The following ASTN2 variants were observed in gnomAD, a reference collection of about 807,000 sequenced individuals.
ASTN2 encodes the protein astrotactin-2.
A neutral mutation model predicts 139.8 loss-of-function variants in ASTN2; 54 were observed. That is an observed-to-expected ratio of 0.39 (90% CI 0.31 to 0.48). The LOEUF (loss-of-function observed/expected upper bound fraction) is 0.48. Among genes scored for constraint, ASTN2 ranks in the 20% least tolerant of loss-of-function variants. The pLI is 0.95. For missense variants in ASTN2, 1,565 were observed against 1,725.1 expected (o/e 0.91, Z 1.64); for synonymous variants, 756 against 719.5 (o/e 1.05, Z -0.81).
At chr9:116,785,333 C>T (rs1830342127) in intron 13 of ASTN2, among the ~76,000 whole-genome samples, 1 of 152,154 alleles carries the variant, frequency 6.6e-6, no homozygotes, top group South Asian at 2.1e-4. Flanking sequence ...CTGTCATCTA[C>T]ATGCTAAATA....
intron 6 of ASTN2, among the ~76,000 whole-genome samples, chr9:117,023,469 A>T (rs746755495): frequency 1.3e-5 from 2 of 152,118 alleles, no homozygotes; most frequent in Admixed American, 1.3e-4. Context: ...TGAGCCTTCT[A>T]TCCCAACTCT....
At chr9:116,606,599 A>G (rs899716318) in intron 19 of ASTN2, among the ~76,000 whole-genome samples, 2 of 152,180 alleles carry the variant, frequency 1.3e-5, no homozygotes, top group African/African-American at 4.8e-5. Context: ...GCCTCACCTG[A>G]CCAAATGTGT....
chr9:116,523,794 G>A (rs1285797145), intron 19 of ASTN2, among the ~76,000 whole-genome samples: 1 of 152,084 alleles, frequency 6.6e-6, no homozygotes, highest in East Asian at 1.9e-4. Flanking sequence ...GTCACAATTT[G>A]CTAAACCAAG....
At chr9:117,011,582 T>C (rs1179042445) in intron 6 of ASTN2, among the ~76,000 whole-genome samples, 1 of 152,226 alleles carries the variant, frequency 6.6e-6, no homozygotes, top group Admixed American at 6.5e-5. Context: ...AGTTTATCCT[T>C]AATGTCTTTA....
intron 19 of ASTN2, among the ~76,000 whole-genome samples, chr9:116,535,239 T>C (rs1339626318): frequency 2.0e-5 from 3 of 152,202 alleles, no homozygotes; most frequent in Non-Finnish European, 4.4e-5. Flanking sequence ...TCCCTTTATT[T>C]TGAGCCTATG....
chr9:117,243,016 T>C lies in ASTN2; in HGVS notation c.631-28274A>G, dbSNP rs547507427. ...ATCATCATCACCATAATTGTTGTTG[T>C]AATTTATTAAGAGTCTTCCATTTTT... On this transcript the variant is annotated intron_variant, in intron 2 of 22. Coordinates refer to ENST00000313400, the MANE Select transcript of ASTN2 (RefSeq NM_001365068.1). 1.4e-4 allele frequency among the ~76,000 whole-genome samples: 22 copies of C among 152,374 alleles called. 1 individual carries two copies. Among genetic ancestry groups the C allele is most frequent in the African/African-American group, 5.3e-4 (22 of 41,602 alleles).
At chr9:116,480,675 G>A (rs1475056) in intron 20 of ASTN2, among the ~76,000 whole-genome samples, 23,814 of 152,190 alleles carry the variant, frequency 0.16, 2,287 homozygotes, top group Middle Eastern at 0.24. Context: ...TGTCTCTAAA[G>A]AGGCAACATC....
chr9:116,458,335 C>T (rs969767554), intron 20 of ASTN2, among the ~76,000 whole-genome samples: 2 of 151,560 alleles, frequency 1.3e-5, no homozygotes, highest in Non-Finnish European at 2.9e-5. Context: ...CAACAATTTA[C>T]TGTATATTTA....
chr9:116,749,164 A>G (rs1024130368), intron 13 of ASTN2, among the ~76,000 whole-genome samples: 1 of 152,198 alleles, frequency 6.6e-6, no homozygotes, highest in African/African-American at 2.4e-5. Flanking sequence ...AAGAGCCCAT[A>G]AAATGAATTG....
intron 19 of ASTN2, among the ~76,000 whole-genome samples, chr9:116,559,510 T>A (rs546782362): frequency 6.6e-6 from 1 of 152,228 alleles, no homozygotes; most frequent in African/African-American, 2.4e-5. Context: ...TTAGTGTGTT[T>A]GTGTATGTAC....
intron 7 of ASTN2, among the ~76,000 whole-genome samples, chr9:116,988,076 G>C (rs1836736206): frequency 6.6e-6 from 1 of 152,166 alleles, no homozygotes; most frequent in Non-Finnish European, 1.5e-5. Context: ...GTTGACTGTG[G>C]GTAACGGATA....
intron 8 of ASTN2, 71 bp downstream of exon 8, chr9:116,976,630 T>C (rs1836347549): frequency 2.9e-6 from 4 of 1,365,628 alleles, no homozygotes; most frequent in Non-Finnish European, 4.1e-6. Flanking sequence ...GCTTGGGGCC[T>C]CTGGTAACAG....
chr9:116,438,234 C>T (rs1310338456), intron 22 of ASTN2, among the ~76,000 whole-genome samples: 3 of 152,294 alleles, frequency 2.0e-5, no homozygotes, highest in South Asian at 2.1e-4. Flanking sequence ...GCCTCACTGC[C>T]GCTTTCTTAC....
At chr9:117,114,335 A>G (rs1255143455) in intron 4 of ASTN2, among the ~76,000 whole-genome samples, 2 of 152,138 alleles carry the variant, frequency 1.3e-5, no homozygotes, top group African/African-American at 4.8e-5. Context: ...TCCCAGAGGG[A>G]TGAGTATCCT....
At chr9:117,275,170 A>G (rs1307943002) in intron 2 of ASTN2, among the ~76,000 whole-genome samples, 1 of 152,142 alleles carries the variant, frequency 6.6e-6, no homozygotes, top group Admixed American at 6.6e-5. Flanking sequence ...CACCTTTAGC[A>G]TCCATTTTTT....
At chr9:117,162,808 C>G (rs891129615) in intron 3 of ASTN2, among the ~76,000 whole-genome samples, 2 of 151,978 alleles carry the variant, frequency 1.3e-5, no homozygotes, top group African/African-American at 4.8e-5. Context: ...ATAAGGATGC[C>G]TGGAGGGGTG....
At chr9:116,784,924 C>T (rs1447901070) in intron 13 of ASTN2, among the ~76,000 whole-genome samples, 19 of 90,860 alleles carry the variant, frequency 2.1e-4, no homozygotes, top group Admixed American at 7.7e-4. Flanking sequence ...AGTGAAACTC[C>T]GCCTCAAAAA....
intron 16 of ASTN2, among the ~76,000 whole-genome samples, chr9:116,722,447 G>A (rs1202017558): frequency 6.6e-6 from 1 of 152,196 alleles, no homozygotes; most frequent in Admixed American, 6.5e-5. Context: ...AATTTCCAGT[G>A]GTTTCCCCAG....
At chr9:117,318,515 G>T (rs117744595) in intron 1 of ASTN2, among the ~76,000 whole-genome samples, 3,642 of 152,200 alleles carry the variant, frequency 0.024, 62 homozygotes, top group Middle Eastern at 0.048. Flanking sequence ...GTTATCAGAT[G>T]TTGAAGAGCC....
Sources: allele counts gnomAD v4.1 joint callset (sites outside exome capture counted in the v4.1 genomes callset), GRCh38; gene constraint gnomAD v4.1.1; transcripts MANE v1.5; gene names NCBI Gene and HGNC (gene_info 2026-07-23, HGNC 2026-07-21).